CADM2: variants seen among roughly 807,000 people sequenced by gnomAD.
CADM2 encodes cell adhesion molecule 2, also known as immunoglobulin superfamily member 4D.
In CADM2, 12 loss-of-function variants were observed where a neutral mutation model predicts 49.8. That is an observed-to-expected ratio of 0.24 (90% CI 0.15 to 0.39). CADM2 has a LOEUF of 0.39. Among genes scored for constraint, CADM2 ranks in the 10% least tolerant of loss-of-function variants. CADM2 has a pLI of 1.00. For synonymous variants in CADM2, 214 were observed against 175.4 expected (o/e 1.22, Z -1.74); for missense variants, 378 against 492.3 (o/e 0.77, Z 2.20).
intron 1 of CADM2, among the ~76,000 whole-genome samples, chr3:85,355,275 A>G (rs776348448): frequency 6.6e-6 from 1 of 152,112 alleles, no homozygotes; most frequent in Non-Finnish European, 1.5e-5. Flanking sequence ...TCTTGTTTTC[A>G]GAGCTGGCTT....
At chr3:86,043,432 A>G (rs1372670022) in intron 8 of CADM2, among the ~76,000 whole-genome samples, 1 of 152,232 alleles carries the variant, frequency 6.6e-6, no homozygotes. Flanking sequence ...CTTATACACC[A>G]ATAGCAAACA....
intron 1 of CADM2, among the ~76,000 whole-genome samples, chr3:85,375,008 T>TCA (rs922482229): frequency 1.3e-5 from 2 of 151,998 alleles, no homozygotes; most frequent in Admixed American, 6.6e-5. Context: ...AAAAAGAAAA[T>TCA]CACACACACA....
chr3:85,906,589 A>G (rs1716840750), intron 5 of CADM2, among the ~76,000 whole-genome samples: 1 of 152,156 alleles, frequency 6.6e-6, no homozygotes, highest in African/African-American at 2.4e-5. Context: ...TCCTTCAAAA[A>G]GTTGAATATT....
chr3:85,904,786 C>A (rs959073315), intron 5 of CADM2, among the ~76,000 whole-genome samples: 1 of 152,104 alleles, frequency 6.6e-6, no homozygotes, highest in Non-Finnish European at 1.5e-5. Context: ...TCTAATTTAT[C>A]TTCTTAAAAA....
chr3:85,835,833 T>C (rs1353763841), intron 3 of CADM2, among the ~76,000 whole-genome samples: 1 of 150,156 alleles, frequency 6.7e-6, no homozygotes, highest in Non-Finnish European at 1.5e-5. Context: ...TTATATTCCA[T>C]CTAGTGTCAG....
At chr3:85,606,824 A>C (rs566998378) in intron 1 of CADM2, among the ~76,000 whole-genome samples, 2 of 152,238 alleles carry the variant, frequency 1.3e-5, no homozygotes, top group African/African-American at 4.8e-5. Context: ...TCTTTGAAAA[A>C]TACTGTCAAT....
intron 1 of CADM2, among the ~76,000 whole-genome samples, chr3:85,474,903 T>C (rs2107615785): frequency 6.6e-6 from 1 of 152,124 alleles, no homozygotes; most frequent in East Asian, 1.9e-4. Context: ...CATGTGTTGA[T>C]AGTCTTCATA....
intron 1 of CADM2, among the ~76,000 whole-genome samples, chr3:85,663,096 G>T (rs559273840): frequency 5.8e-4 from 88 of 152,148 alleles, no homozygotes; most frequent in African/African-American, 1.9e-3. Flanking sequence ...AGCTATGTAT[G>T]AATTAGAATC....
chr3:85,413,848 T>C (rs1254747098), intron 1 of CADM2, among the ~76,000 whole-genome samples: 2 of 152,022 alleles, frequency 1.3e-5, no homozygotes, highest in African/African-American at 4.8e-5. Context: ...AAGTGCTAGC[T>C]AGAAAACTGG....
chr3:84,982,754 T>A (rs1575968066), intron 1 of CADM2, among the ~76,000 whole-genome samples: 1 of 121,520 alleles, frequency 8.2e-6, no homozygotes, highest in Non-Finnish European at 1.6e-5. Context: ...GTTTTTTTAA[T>A]TTTTTTTTTG....
intron 1 of CADM2, among the ~76,000 whole-genome samples, chr3:85,210,573 G>A (rs981291015): frequency 7.2e-5 from 11 of 152,000 alleles, no homozygotes; most frequent in Admixed American, 5.3e-4. Context: ...ACAAGGTCTG[G>A]CTCTGTTGCC....
At chr3:85,677,629 G>A (rs2065922123) in intron 1 of CADM2, among the ~76,000 whole-genome samples, 1 of 152,012 alleles carries the variant, frequency 6.6e-6, no homozygotes. Flanking sequence ...CAAACATAAA[G>A]CAAATTCAAA....
At chr3:85,800,930 T>C (rs931202616) in intron 2 of CADM2, 2 of 152,224 alleles carry the variant, frequency 1.3e-5, no homozygotes, top group African/African-American at 4.8e-5. Context: ...GTGCTTGTAG[T>C]AATTATTGAA....
chr3:85,729,193 AT>A (rs1358229949), intron 2 of CADM2, among the ~76,000 whole-genome samples: 1 of 151,998 alleles, frequency 6.6e-6, no homozygotes, highest in Admixed American at 6.6e-5. Flanking sequence ...TACATACTTC[AT>A]TTTTTAAAAC....
At chr3:85,006,796 G>T (rs1202950965) in intron 1 of CADM2, among the ~76,000 whole-genome samples, 1 of 151,892 alleles carries the variant, frequency 6.6e-6, no homozygotes, top group Non-Finnish European at 1.5e-5. Context: ...AAACTTAAAA[G>T]ATAAAATATA....
intron 8 of CADM2, among the ~76,000 whole-genome samples, chr3:86,058,177 T>A (rs1253166992): frequency 6.6e-6 from 1 of 152,200 alleles, no homozygotes; most frequent in Non-Finnish European, 1.5e-5. Context: ...ATGCAAATCT[T>A]TCTGTATTAA....
intron 1 of CADM2, among the ~76,000 whole-genome samples, chr3:85,659,109 T>C (rs2107604736): frequency 6.7e-6 from 1 of 149,808 alleles, no homozygotes; most frequent in Middle Eastern, 3.5e-3. Flanking sequence ...AAAACTCTAC[T>C]GAAGCCCTTT....
rs141093675 is a variant in CADM2, at chr3:84,962,697, CT to C, written c.61+3037del. Among the ~76,000 whole-genome samples the C allele has an allele frequency of 6.6e-5, 10 of 151,936 alleles. No homozygotes were observed. In the East Asian group the frequency reaches 9.7e-4, roughly 15 times the overall value. On this transcript the variant is annotated intron_variant, in intron 1 of 9. Transcript: ENST00000383699. ...AAATACTATAGTCAGTCATTAGCTT[CT>C]TTTTTTTAGCTTTATCAGCACTATA...
intron 1 of CADM2, among the ~76,000 whole-genome samples, chr3:85,408,973 T>C (rs2035533419): frequency 6.6e-6 from 1 of 152,220 alleles, no homozygotes; most frequent in South Asian, 2.1e-4. Context: ...ATTTAATGTT[T>C]GCAAGCTCTC....
Sources: allele counts gnomAD v4.1 joint callset (sites outside exome capture counted in the v4.1 genomes callset), GRCh38; gene constraint gnomAD v4.1.1; transcripts MANE v1.5; gene names NCBI Gene and HGNC (gene_info 2026-07-23, HGNC 2026-07-21).